Variants in DNAJC13 observed in about 807,000 individuals in gnomAD.
The protein encoded by DNAJC13 is dnaJ homolog subfamily C member 13.
Under a neutral mutation model 290.5 loss-of-function variants are expected in DNAJC13, and 75 were observed. The observed-to-expected ratio is 0.26, with a 90% confidence interval of 0.21 to 0.31. The LOEUF (loss-of-function observed/expected upper bound fraction) is 0.31. DNAJC13 is among the 10% of genes least tolerant of loss of function. The probability of loss-of-function intolerance (pLI) is 1.00; values close to 1 mark genes in which losing one functional copy is unlikely to be tolerated. For synonymous variants in DNAJC13, 862 were observed against 892.0 expected (o/e 0.97, Z 0.60); for missense variants, 2,260 against 2,674.5 (o/e 0.85, Z 3.42).
intron 32 of DNAJC13, 135 bp downstream of exon 32, chr3:132,491,186 A>C: frequency 1.3e-6 from 1 of 782,728 alleles, no homozygotes; most frequent in Non-Finnish European, 1.9e-6. Context: ...TTGATGCCAA[A>C]TCAAATGATG....
rs144578368 is a variant in DNAJC13 at position 132,528,230 on chromosome 3, C to G, written c.6423C>G (p.Leu2141=). 1 of 1,614,070 alleles carries G rather than the reference C, an allele frequency of 6.2e-7. No homozygotes were observed. The highest frequency in any genetic ancestry group is 1.7e-5 in the Admixed American group (1 of 60,012). ...TGGTTCCATACCTCTTAAAATTACT[C>G]GAAGGCATTGGCCTTGAAAACCTGG... ...ADLVPYLLKL[L]EGIGLENLDS... The change falls in exon 54 of 56, where the codon CTC becomes CTG. Residue 2141 remains leucine (L), a synonymous_variant. Coordinates refer to ENST00000260818, the MANE Select transcript of DNAJC13 (RefSeq NM_015268.4).
chr3:132,537,419 T>C (rs1936629577), intron 55 of DNAJC13, among the ~76,000 whole-genome samples: 1 of 151,998 alleles, frequency 6.6e-6, no homozygotes, highest in African/African-American at 2.4e-5. Context: ...TTGCAAGTAC[T>C]TGTTAGTTTG....
At chr3:132,418,415 A>G (rs11713327) in intron 1 of DNAJC13, among the ~76,000 whole-genome samples, 33,195 of 151,974 alleles carry the variant, frequency 0.22, 4,159 homozygotes, top group African/African-American at 0.35. Flanking sequence ...GCTGTTAATC[A>G]CTTGATACTT....
intron 48 of DNAJC13, 139 bp from the exon 49 acceptor site, chr3:132,522,689 G>T (rs1393504593): frequency 7.4e-6 from 5 of 672,640 alleles, no homozygotes; most frequent in Non-Finnish European, 1.2e-5. Flanking sequence ...TTTCACTCCA[G>T]AACTTTTAGG....
chr3:132,443,617 C>G (rs1328960639), intron 2 of DNAJC13, among the ~76,000 whole-genome samples: 1 of 152,202 alleles, frequency 6.6e-6, no homozygotes, highest in East Asian at 1.9e-4. Flanking sequence ...TTTGGAAGTT[C>G]AAGCTTGCTT....
chr3:132,457,534 A>G (rs989315841), intron 13 of DNAJC13, 166 bp downstream of exon 13: 2 of 578,964 alleles, frequency 3.5e-6, no homozygotes, highest in Admixed American at 6.7e-5. Flanking sequence ...ATACCAGGCA[A>G]TGTGCTGTGT....
At chr3:132,525,083 G>C (rs549093087) in intron 51 of DNAJC13, among the ~76,000 whole-genome samples, 3 of 152,292 alleles carry the variant, frequency 2.0e-5, no homozygotes, top group African/African-American at 7.2e-5. Context: ...GCTCACGCCT[G>C]TAATACCAGC....
intron 1 of DNAJC13, among the ~76,000 whole-genome samples, chr3:132,419,960 A>C (rs1054062974): frequency 6.6e-6 from 1 of 152,204 alleles, no homozygotes; most frequent in African/African-American, 2.4e-5. Context: ...ACAAAAAAAG[A>C]AGCTTTGCTC....
chr3:132,417,954 G>C (rs1248477240), intron 1 of DNAJC13, among the ~76,000 whole-genome samples, 194 bp downstream of exon 1: 1 of 152,230 alleles, frequency 6.6e-6, no homozygotes, highest in Admixed American at 6.5e-5. Flanking sequence ...CCCCGGCTTT[G>C]AGTGACATTA....
rs538080897 is a variant in DNAJC13 at position 132,472,053 on chromosome 3, C to G, written c.2209-1092C>G. On this transcript the variant is annotated intron_variant, in intron 20 of 55. Transcript: ENST00000260818. ...CGCGGTTAGGGGCTGGAGACCGGCCCGGCCAACACAGCGAAACCCCGTCTC... is the reference window on the plus strand; with the variant it reads ...CGCGGTTAGGGGCTGGAGACCGGCCGGGCCAACACAGCGAAACCCCGTCTC... Among the ~76,000 whole-genome samples, 9 of 150,250 alleles carry G rather than the reference C, an allele frequency of 6.0e-5. No individual in the cohort carries two copies. The South Asian group carries it at 2.0e-3, about 33-fold the overall frequency.
chr3:132,458,528 C>T (rs563521650), intron 13 of DNAJC13, among the ~76,000 whole-genome samples: 30 of 152,248 alleles, frequency 2.0e-4, no homozygotes, highest in African/African-American at 7.0e-4. Context: ...CTTAGGAGCT[C>T]TGTGTCAGGA....
At chr3:132,448,392 A>G (rs549351797) in intron 5 of DNAJC13, among the ~76,000 whole-genome samples, 1 of 152,212 alleles carries the variant, frequency 6.6e-6, no homozygotes, top group East Asian at 1.9e-4. Flanking sequence ...GCCTGTACTG[A>G]AGCTTGGCAT....
At chr3:132,420,454 C>T (rs1938921850) in intron 1 of DNAJC13, among the ~76,000 whole-genome samples, 1 of 152,106 alleles carries the variant, frequency 6.6e-6, no homozygotes. Flanking sequence ...AAACTGCAGT[C>T]GGGAGTGGTC....
chr3:132,489,465 T>C (rs1039996382), intron 31 of DNAJC13, among the ~76,000 whole-genome samples: 1 of 151,818 alleles, frequency 6.6e-6, no homozygotes, highest in Non-Finnish European at 1.5e-5. Flanking sequence ...GCTTTCATTT[T>C]ACTGTGGGGT....
chr3:132,498,813 T>C (rs1315340092), intron 36 of DNAJC13, among the ~76,000 whole-genome samples: 1 of 152,062 alleles, frequency 6.6e-6, no homozygotes, highest in Non-Finnish European at 1.5e-5. Flanking sequence ...CCTCCCGGGT[T>C]CACACCTTTC....
chr3:132,483,628 A>C, intron 28 of DNAJC13, 51 bp downstream of exon 28: 1 of 1,534,868 alleles, frequency 6.5e-7, no homozygotes. Context: ...TTCCTTAGTA[A>C]CAGCATAGAA....
rs1559903198 is a variant in DNAJC13, at chr3:132,505,343, G to A, written c.4926G>A (p.Leu1642=). The A allele has an allele frequency of 1.9e-6, 3 of 1,610,054 alleles. No individual in the cohort carries two copies. Among genetic ancestry groups the A allele is most frequent in the Non-Finnish European group, 1.7e-6 (2 of 1,177,746 alleles). The change falls in exon 42 of 56, where the codon TTG becomes TTA. Residue 1642 remains leucine, a synonymous_variant. Transcript: ENST00000260818. ...MLNSNTESPY[L]IWNNSTRAEL... is the part of the protein sequence containing the mutation. ...ACAGCAACACAGAAAGTCCATATTT[G>A]ATATGGAACAATTCTACAAGAGCAG...
chr3:132,533,773 T>G (rs181363024), intron 55 of DNAJC13, among the ~76,000 whole-genome samples: 8 of 152,354 alleles, frequency 5.3e-5, no homozygotes, highest in Middle Eastern at 3.4e-3. Context: ...TATCATTCTT[T>G]GACTTAACTT....
chr3:132,427,135 T>TATATA (rs1175530559), intron 1 of DNAJC13, among the ~76,000 whole-genome samples: 85 of 92,894 alleles, frequency 9.2e-4, no homozygotes, highest in African/African-American at 3.6e-3. Context: ...ATATATATAT[T>TATATA]TTTTTTTTTT....
Sources: allele counts gnomAD v4.1 joint callset (sites outside exome capture counted in the v4.1 genomes callset), GRCh38; gene constraint gnomAD v4.1.1; transcripts MANE v1.5; gene names NCBI Gene and HGNC (gene_info 2026-07-23, HGNC 2026-07-21).